SDK1: variants seen among roughly 807,000 people sequenced by gnomAD.
The protein encoded by SDK1 is sidekick cell adhesion molecule 1.
A neutral mutation model predicts 245.5 loss-of-function variants in SDK1; 157 were observed. The ratio of observed to expected loss-of-function variants is 0.64; its 90% CI spans 0.56 to 0.73. The LOEUF is 0.73. Ranked by LOEUF, SDK1 falls within the 30% of genes least tolerant of loss-of-function variation. SDK1 has a pLI of 0.00. For missense variants in SDK1, 3,583 were observed against 3,002.3 expected, an observed-to-expected ratio of 1.19 and a Z score of -4.52; for synonymous variants, 1,647 against 1,278.5, an observed-to-expected ratio of 1.29 and a Z score of -6.15.
At chr7:4,011,959 G>C (rs1562666055) in intron 15 of SDK1, 136 bp from the exon 16 acceptor site, 1 of 610,364 alleles carries the variant, frequency 1.6e-6, no homozygotes, top group Non-Finnish European at 2.6e-6. Flanking sequence ...TTCATTGGCT[G>C]TGTGTTTTGC....
chr7:3,753,013 C>T lies in SDK1; in HGVS notation c.714-68437C>T, dbSNP rs371369756. On this transcript the variant is annotated intron_variant, in intron 4 of 44. Transcript: ENST00000404826. The stretch of plus-strand genomic sequence containing the variant: ...ACCCTGAAAGATAAAGGGTAGCCCA[C>T]GTTGATACTACTCGGTGTCTGCCCA... 2.0e-5 allele frequency among the ~76,000 whole-genome samples: 3 copies of T among 152,280 alleles called. No homozygotes were observed. The South Asian group carries it at 6.2e-4, about 32-fold the overall frequency.
chr7:4,115,311 G>A (rs1367686182), intron 25 of SDK1, among the ~76,000 whole-genome samples: 1 of 152,196 alleles, frequency 6.6e-6, no homozygotes, highest in Non-Finnish European at 1.5e-5. Context: ...AACCTAGGCT[G>A]TTAGAAATAC....
At chr7:4,264,975 G>T in intron 44 of SDK1, 149 bp from the exon 45 acceptor site, 1 of 1,247,374 alleles carries the variant, frequency 8.0e-7, no homozygotes, top group East Asian at 2.6e-5. Flanking sequence ...GAGGGTGGGA[G>T]GGCCTGGCAT....
chr7:3,846,028 C>T (rs961518001), intron 5 of SDK1, among the ~76,000 whole-genome samples: 12 of 152,136 alleles, frequency 7.9e-5, no homozygotes, highest in Admixed American at 7.2e-4. Context: ...CTTGATAACA[C>T]ATATGTATTT....
Position 3,969,257 on chromosome 7 carries a change from A to T in SDK1, c.1547A>T (p.Glu516Val). The stretch of plus-strand genomic sequence containing the variant: ...GCCTCTTTTCTCCACTGTTCTTTAG[A>T]AAACCACATTCTGGCCAGTGGCTCT... ...APKPAITWKR[E>V]NHILASGSVR... The change falls in exon 11 of 45, where the codon GAA becomes GTA. Residue 516 changes from glutamate (E) to valine (V), a missense_variant and splice_region_variant. Physicochemically the swap from Glu to Val is moderately radical, Grantham distance 121. Transcript: ENST00000404826. 6.3e-7 allele frequency: 1 copy of T among 1,592,700 alleles called. No homozygotes were observed. Among genetic ancestry groups the T allele is most frequent in the Middle Eastern group, 1.7e-4 (1 of 6,008 alleles).
At chr7:3,711,816 A>C (rs1785059376) in intron 4 of SDK1, among the ~76,000 whole-genome samples, 1 of 152,108 alleles carries the variant, frequency 6.6e-6, no homozygotes, top group African/African-American at 2.4e-5. Context: ...TATGCCTGGA[A>C]GCTGGGGGCG....
At chr7:4,075,685 T>C (rs55961125) in intron 20 of SDK1, among the ~76,000 whole-genome samples, 48,655 of 150,512 alleles carry the variant, frequency 0.32, 8,278 homozygotes, top group Middle Eastern at 0.4. Flanking sequence ...GACAAAGTCT[T>C]GCTCTGTCAC....
chr7:3,417,438 GCTAA>G (rs1283161070), intron 1 of SDK1, among the ~76,000 whole-genome samples: 2 of 151,950 alleles, frequency 1.3e-5, no homozygotes, highest in Non-Finnish European at 2.9e-5. Context: ...TGTTTTCTCT[GCTAA>G]CTTTCTCTTT....
chr7:3,349,417 T>A (rs1394127872), intron 1 of SDK1, among the ~76,000 whole-genome samples: 2 of 151,998 alleles, frequency 1.3e-5, no homozygotes, highest in Admixed American at 1.3e-4. Context: ...GGGAGGGGGT[T>A]ACTGTTGGAT....
chr7:3,644,636 C>G lies in SDK1; in HGVS notation c.713+2531C>G, dbSNP rs188135619. On this transcript the variant is annotated intron_variant, in intron 4 of 44. Coordinates refer to ENST00000404826, the MANE Select transcript of SDK1 (RefSeq NM_152744.4). The stretch of plus-strand genomic sequence containing the variant: ...AAAAAAATAGCTGGGTGTGGTGGCA[C>G]GAACCTGTATTTCTAGCTATTTGCT... Among the ~76,000 whole-genome samples, 297 of 151,120 alleles carry G rather than the reference C, an allele frequency of 2.0e-3. 4 individuals are homozygous for G. Among genetic ancestry groups the G allele is most frequent in the African/African-American group, 7.1e-3 (292 of 41,130 alleles).
At chr7:3,363,138 A>G (rs1232148017) in intron 1 of SDK1, among the ~76,000 whole-genome samples, 2 of 152,118 alleles carry the variant, frequency 1.3e-5, no homozygotes, top group African/African-American at 2.4e-5. Flanking sequence ...GACCTCTCCT[A>G]TCTCCTTCCA....
At position 3,941,970 on chromosome 7, in the gene SDK1, G is replaced by A. The variant is rs942281791; in HGVS notation, c.848-8953G>A. On this transcript the variant is annotated intron_variant, in intron 5 of 44. Transcript: ENST00000404826. ...GTCGCCCAAGCTGGAGTGCAGTGGC[G>A]TGATCTTGGCTCACCTCAAGCTCCG... 4.0e-5 allele frequency among the ~76,000 whole-genome samples: 6 copies of A among 149,450 alleles called. No individual in the cohort carries two copies. The South Asian group carries it at 6.4e-4, about 16-fold the overall frequency.
At chr7:4,106,529 C>T (rs1365748370) in intron 22 of SDK1, among the ~76,000 whole-genome samples, 2 of 152,118 alleles carry the variant, frequency 1.3e-5, no homozygotes, top group Admixed American at 1.3e-4. Context: ...ATCTCCTGAC[C>T]TTGTGATCCA....
intron 2 of SDK1, among the ~76,000 whole-genome samples, chr7:3,634,853 A>G (rs1413259111): frequency 1.3e-5 from 2 of 152,196 alleles, no homozygotes; most frequent in South Asian, 2.1e-4. Flanking sequence ...AAGCAGTTCT[A>G]TTTTTGGGCG....
intron 5 of SDK1, among the ~76,000 whole-genome samples, chr7:3,893,808 G>T (rs1342457787): frequency 6.6e-6 from 1 of 151,844 alleles, no homozygotes; most frequent in Non-Finnish European, 1.5e-5. Flanking sequence ...CGTGATCCCA[G>T]TCACCTGCCC....
intron 13 of SDK1, among the ~76,000 whole-genome samples, chr7:3,975,904 ACGTAGAGGGTCCTCCAGAGAAT>A: frequency 6.7e-6 from 1 of 148,778 alleles, no homozygotes; most frequent in East Asian, 2.0e-4. Flanking sequence ...CAAAGCTGCC[ACGTAGAGGGTCCTCCAGAGAAT>A]CACTGAGGGT....
At chr7:3,890,024 T>C (rs189826748) in intron 5 of SDK1, among the ~76,000 whole-genome samples, 1 of 152,360 alleles carries the variant, frequency 6.6e-6, no homozygotes. Context: ...GTGGTCAGTA[T>C]TGGCTCAACA....
At chr7:4,111,469 G>T (rs1172789552) in intron 23 of SDK1, among the ~76,000 whole-genome samples, 1 of 151,928 alleles carries the variant, frequency 6.6e-6, no homozygotes, top group African/African-American at 2.4e-5. Flanking sequence ...GGGACTAAAA[G>T]GTGAAATTAC....
At chr7:3,717,956 A>AT (rs1017741354) in intron 4 of SDK1, among the ~76,000 whole-genome samples, 21 of 148,334 alleles carry the variant, frequency 1.4e-4, no homozygotes, top group Non-Finnish European at 3.0e-4. Context: ...CAAAGACAGC[A>AT]TTTAAAAAAA....
Sources: gnomAD v4.1 joint callset for allele counts (sites outside exome capture counted in the v4.1 genomes callset) on GRCh38, gnomAD v4.1.1 for gene constraint, MANE v1.5 for transcripts, NCBI Gene and HGNC (gene_info 2026-07-23, HGNC 2026-07-21) for gene names.